Variants in NAALADL2 observed in about 807,000 individuals in gnomAD.
NAALADL2 encodes the protein inactive N-acetylated-alpha-linked acidic dipeptidase-like protein 2.
A neutral mutation model predicts 87.2 loss-of-function variants in NAALADL2; 76 were observed. The observed-to-expected ratio is 0.87, with a 90% CI of 0.72 to 1.05. NAALADL2 has a LOEUF of 1.05. NAALADL2 is among the 50% of genes least tolerant of loss of function. The pLI, the probability that NAALADL2 is intolerant of heterozygous loss-of-function variation, is 0.00. For missense variants in NAALADL2, 1,089 were observed against 945.8 expected, an observed-to-expected ratio of 1.15 and a Z score of -1.99; for synonymous variants, 354 against 331.0, an observed-to-expected ratio of 1.07 and a Z score of -0.75.
chr3:175,748,483 A>G (rs1398671860), intron 12 of NAALADL2, among the ~76,000 whole-genome samples: 1 of 152,204 alleles, frequency 6.6e-6, no homozygotes, highest in East Asian at 1.9e-4. Context: ...CATAAATCAT[A>G]CTTTTTCTTG....
intron 2 of NAALADL2, among the ~76,000 whole-genome samples, chr3:175,107,044 A>G (rs1035632522): frequency 5.3e-5 from 8 of 152,040 alleles, no homozygotes; most frequent in Non-Finnish European, 1.0e-4. Context: ...CCCTCACTCT[A>G]CTGTCCCCAT....
In NAALADL2 at chr3:175,809,340, TTTCTAACAG is replaced by T. The variant is rs1356375161; in HGVS notation, c.*6138_*6146del. On this transcript the variant is annotated 3_prime_UTR_variant, in exon 14 of 14. Coordinates refer to ENST00000454872, the MANE Select transcript of NAALADL2 (RefSeq NM_207015.3). ...TATATTAGGCAATTTCATGTTTACA[TTTCTAACAG>T]AAAGGTTTAATGGCAAATATTCCTT... The T allele has an allele frequency of 6.6e-6, 1 of 151,780 alleles. No individual in the cohort carries two copies. Among genetic ancestry groups the T allele is most frequent in the East Asian group, 1.9e-4 (1 of 5,176 alleles). 9.4% of individuals were successfully genotyped at this position (151,780 alleles called of 1,614,324 possible).
rs1162486951 is a variant in NAALADL2 at position 175,343,839 on chromosome 3, T to A, written c.1090+19514T>A. Among the ~76,000 whole-genome samples the A allele has an allele frequency of 2.0e-5, 3 of 151,912 alleles. No individual in the cohort carries two copies. In the East Asian group the frequency reaches 5.8e-4, roughly 29 times the overall value. On this transcript the variant is annotated intron_variant, in intron 5 of 13. Transcript: ENST00000454872. ...GGCAGTAGAAAGGCAAAAAACAGAATTACAAGTTGAATGAGCAAATCAATG... is the reference window on the plus strand; with the variant it reads ...GGCAGTAGAAAGGCAAAAAACAGAAATACAAGTTGAATGAGCAAATCAATG...
In NAALADL2 at chr3:175,052,956, T is replaced by G. The variant is rs28843767; in HGVS notation, c.44-43834T>G. ...TGGCCGTGGCATGCAAACCGAGAGG[T>G]GCAATTCAAGCTAAACATCCCCTTA... is the stretch of plus-strand genomic sequence containing the variant. On this transcript the variant is annotated intron_variant, in intron 1 of 13. Coordinates refer to ENST00000454872, the MANE Select transcript of NAALADL2 (RefSeq NM_207015.3). 1.3e-3 allele frequency among the ~76,000 whole-genome samples: 202 copies of G among 152,150 alleles called. 1 individual carries two copies. Among genetic ancestry groups the G allele is most frequent in the African/African-American group, 4.7e-3 (196 of 41,488 alleles).
At chr3:174,852,321 A>G (rs1256090173) in intron 3 of NAALADL2, among the ~76,000 whole-genome samples, 1 of 152,102 alleles carries the variant, frequency 6.6e-6, no homozygotes, top group Non-Finnish European at 1.5e-5. Flanking sequence ...AGAAAAACCT[A>G]AGTACTCCAC....
At chr3:174,736,200 T>G (rs1263976374) in intron 2 of NAALADL2, among the ~76,000 whole-genome samples, 2 of 152,066 alleles carry the variant, frequency 1.3e-5, no homozygotes, top group African/African-American at 4.8e-5. Context: ...CCACAGCTCT[T>G]CTCTTCTTTC....
intron 2 of NAALADL2, among the ~76,000 whole-genome samples, chr3:174,709,704 G>A (rs114888814): frequency 6.6e-6 from 1 of 152,086 alleles, no homozygotes; most frequent in Non-Finnish European, 1.5e-5. Flanking sequence ...AGCGATTCTG[G>A]TAAGCTTTAA....
chr3:174,719,148 T>G (rs1731476988), intron 2 of NAALADL2, among the ~76,000 whole-genome samples: 1 of 152,212 alleles, frequency 6.6e-6, no homozygotes, highest in African/African-American at 2.4e-5. Context: ...GAAAATAATT[T>G]TATAAAAATG....
chr3:175,416,613 T>C (rs1714685435), intron 5 of NAALADL2, among the ~76,000 whole-genome samples: 1 of 152,186 alleles, frequency 6.6e-6, no homozygotes, highest in African/African-American at 2.4e-5. Flanking sequence ...GAGAAGAAGT[T>C]ACATTTACTA....
At chr3:174,732,189 A>G (rs574419220) in intron 2 of NAALADL2, among the ~76,000 whole-genome samples, 1 of 152,312 alleles carries the variant, frequency 6.6e-6, no homozygotes, top group African/African-American at 2.4e-5. Flanking sequence ...TGTGGAGGAT[A>G]TATAACAAGT....
At chr3:174,460,260 G>C (rs1716127415) in intron 1 of NAALADL2, among the ~76,000 whole-genome samples, 1 of 118,038 alleles carries the variant, frequency 8.5e-6, no homozygotes. Context: ...TTTATATTTG[G>C]TTAGTTTGTT....
intron 2 of NAALADL2, among the ~76,000 whole-genome samples, chr3:174,639,355 C>G (rs1230326526): frequency 2.0e-5 from 3 of 152,282 alleles, no homozygotes. Flanking sequence ...AAAAATCAAA[C>G]TAAGACCCAG....
chr3:175,073,966 C>A (rs1046336608), intron 1 of NAALADL2, among the ~76,000 whole-genome samples: 2 of 152,012 alleles, frequency 1.3e-5, no homozygotes, highest in African/African-American at 4.8e-5. Flanking sequence ...TTTCCATGCA[C>A]CATCTCACAC....
At chr3:175,281,355 T>C (rs1467383826) in intron 4 of NAALADL2, among the ~76,000 whole-genome samples, 2 of 151,898 alleles carry the variant, frequency 1.3e-5, no homozygotes, top group Non-Finnish European at 2.9e-5. Flanking sequence ...ATATTTTCCA[T>C]GTATAAGATT....
At chr3:175,740,996 G>A (rs1045438936) in intron 12 of NAALADL2, among the ~76,000 whole-genome samples, 61 of 152,274 alleles carry the variant, frequency 4.0e-4, no homozygotes, top group African/African-American at 1.3e-3. Flanking sequence ...CAGTGATCTA[G>A]TGGAGAGGTA....
intron 1 of NAALADL2, among the ~76,000 whole-genome samples, chr3:174,544,827 C>T (rs188189227): frequency 3.2e-4 from 48 of 151,984 alleles, no homozygotes; most frequent in African/African-American, 9.2e-4. Context: ...CCTCAGCCTC[C>T]GAAAGTGCTG....
At chr3:175,616,287 A>T (rs1395358155) in intron 10 of NAALADL2, among the ~76,000 whole-genome samples, 1 of 136,334 alleles carries the variant, frequency 7.3e-6, no homozygotes, top group Non-Finnish European at 1.6e-5. Flanking sequence ...TAAATATAAT[A>T]AATATGAATA....
At chr3:174,742,917 T>C (rs537000070) in intron 3 of NAALADL2, among the ~76,000 whole-genome samples, 1 of 151,778 alleles carries the variant, frequency 6.6e-6, no homozygotes, top group African/African-American at 2.4e-5. Flanking sequence ...CATCATACAA[T>C]AGGATATTTT....
At chr3:175,072,489 G>A (rs1010431681) in intron 1 of NAALADL2, among the ~76,000 whole-genome samples, 1 of 151,490 alleles carries the variant, frequency 6.6e-6, no homozygotes, top group African/African-American at 2.4e-5. Flanking sequence ...CTTTAAAAAC[G>A]TTTGGCAAGA....
Sources: gnomAD v4.1 joint callset for allele counts (sites outside exome capture counted in the v4.1 genomes callset) on GRCh38, gnomAD v4.1.1 for gene constraint, MANE v1.5 for transcripts, NCBI Gene and HGNC (gene_info 2026-07-23, HGNC 2026-07-21) for gene names.